The following RBL2 variants were observed in gnomAD, a reference collection of about 807,000 sequenced individuals.
RBL2 encodes retinoblastoma-like protein 2.
Under a neutral mutation model 126.0 loss-of-function variants are expected in RBL2, and 56 were observed. The ratio of observed to expected loss-of-function variants is 0.44; its 90% CI spans 0.36 to 0.56. RBL2 has a LOEUF of 0.56. Ranked by LOEUF, RBL2 falls within the 20% of genes least tolerant of loss-of-function variation. The pLI, the probability that RBL2 is intolerant of heterozygous loss-of-function variation, is 0.00. For synonymous variants in RBL2, 454 were observed against 478.5 expected (o/e 0.95, Z 0.67); for missense variants, 1,229 against 1,398.2 (o/e 0.88, Z 1.93).
rs750451075 is a variant in RBL2 at position 53,434,789 on chromosome 16, C to G, written c.233C>G (p.Thr78Arg). The G allele has an allele frequency of 6.7e-7, 1 of 1,500,052 alleles. No individual in the cohort carries two copies. The highest frequency in any genetic ancestry group is 8.9e-7 in the Non-Finnish European group (1 of 1,124,132). 92.9% of individuals were successfully genotyped at this position (1,500,052 alleles called of 1,614,324 possible). A position where few individuals can be genotyped will look rare whatever the true frequency, so the allele number is the denominator to read the frequency against. ...TACCGCAGCATGAGCGAAAGCTACA[C>G]GCTGGAGGTGCGCTCGCGGGCGGAG... Reference protein sequence around the residue: ...DSYRSMSESYTLEGNDLHWLA... With the variant: ...DSYRSMSESYRLEGNDLHWLA... The change falls in exon 1 of 22, where the codon ACG becomes AGG. Residue 78 changes from threonine to arginine, a missense_variant. By Grantham distance (71) the Thr-to-Arg change is moderately conservative. Transcript: ENST00000262133.
intron 17 of RBL2, among the ~76,000 whole-genome samples, chr16:53,471,547 C>A (rs1007121974): frequency 2.6e-5 from 4 of 151,990 alleles, no homozygotes; most frequent in Admixed American, 1.3e-4. Flanking sequence ...CAGCTCACTG[C>A]AACCTCTGCC....
chr16:53,468,985 T>C (rs1036889288), intron 14 of RBL2, among the ~76,000 whole-genome samples: 3 of 152,210 alleles, frequency 2.0e-5, no homozygotes, highest in African/African-American at 7.2e-5. Flanking sequence ...ATACCAGCAT[T>C]TTGGGAGGCC....
Position 53,479,736 on chromosome 16 carries a change from T to C in RBL2, c.2776-150T>C, listed in dbSNP as rs894105996. On this transcript the variant is annotated intron_variant, in intron 18 of 21. Coordinates refer to ENST00000262133, the MANE Select transcript of RBL2 (RefSeq NM_005611.4). ...CTCTGATTGAATCCTGGATCTGTTA[T>C]AATTTGAGTTATGTTTCTCAACCTG... 1.7e-5 allele frequency: 10 copies of C among 584,096 alleles called. No homozygotes were observed. The Admixed American group carries it at 1.8e-4, about 10-fold the overall frequency. 36.2% of individuals were successfully genotyped at this position (584,096 alleles called of 1,614,324 possible).
intron 21 of RBL2, chr16:53,489,027 C>A (rs1171717719): frequency 2.1e-5 from 3 of 143,682 alleles, no homozygotes; most frequent in Non-Finnish European, 4.5e-5. Flanking sequence ...CCAGCTTGGA[C>A]AACATAGTGC....
intron 1 of RBL2, among the ~76,000 whole-genome samples, chr16:53,435,150 A>G (rs2057945507): frequency 6.6e-6 from 1 of 152,070 alleles, no homozygotes; most frequent in Non-Finnish European, 1.5e-5. Context: ...CCACACGGAC[A>G]AGGGGAGGGG....
chr16:53,439,124 A>G lies in RBL2; in HGVS notation c.349A>G (p.Ile117Val). The G allele has an allele frequency of 1.9e-6, 3 of 1,604,458 alleles. No homozygotes were observed. Among genetic ancestry groups the G allele is most frequent in the East Asian group, 4.5e-5 (2 of 44,270 alleles). The change falls in exon 2 of 22, where the codon ATC becomes GTC. Residue 117 changes from isoleucine (I) to valine (V), a missense_variant. Physicochemically the swap from Ile to Val is conservative, Grantham distance 29. Transcript: ENST00000262133. ...AGGAAACTATGTATCTTTAACTAGA[A>G]TCCTGAAATGTTCAGAGCAGAGGTA... ...VEGNYVSLTR[I>V]LKCSEQSLIE...
chr16:53,482,555 A>G (rs1960995314), intron 21 of RBL2, among the ~76,000 whole-genome samples: 1 of 152,176 alleles, frequency 6.6e-6, no homozygotes, highest in African/African-American at 2.4e-5. Context: ...CACACCTGTA[A>G]TCCCAACACT....
At chr16:53,463,561 CTTT>C (rs770657237) in intron 11 of RBL2, among the ~76,000 whole-genome samples, 2 of 94,402 alleles carry the variant, frequency 2.1e-5, no homozygotes, top group Non-Finnish European at 2.0e-5. Context: ...TTTTTTTTTC[CTTT>C]TTTTTTTTTT....
intron 13 of RBL2, 127 bp from the exon 14 acceptor site, chr16:53,466,931 G>C: frequency 1.4e-6 from 1 of 721,774 alleles, no homozygotes; most frequent in Non-Finnish European, 2.3e-6. Context: ...ATTAAAATGG[G>C]AAAGACAGCT....
chr16:53,442,107 A>T (rs1042880764), intron 2 of RBL2, among the ~76,000 whole-genome samples: 1 of 152,060 alleles, frequency 6.6e-6, no homozygotes, highest in African/African-American at 2.4e-5. Flanking sequence ...GGTGTGAGCT[A>T]CTGCGCCTAG....
intron 21 of RBL2, among the ~76,000 whole-genome samples, chr16:53,484,278 G>A (rs983889097): frequency 2.0e-5 from 3 of 152,112 alleles, no homozygotes; most frequent in African/African-American, 7.2e-5. Context: ...GCAGGTAATA[G>A]ACAAAGCAGA....
Position 53,439,139 on chromosome 16 carries a change from G to A in RBL2, c.364G>A (p.Glu122Lys), listed in dbSNP as rs1305574980. 6.3e-7 allele frequency: 1 copy of A among 1,593,200 alleles called. No individual in the cohort carries two copies. Among genetic ancestry groups the A allele is most frequent in the South Asian group, 1.2e-5 (1 of 86,916 alleles). ...VSLTRILKCS[E>K]QSLIEFFNKM... ...TTTAACTAGAATCCTGAAATGTTCA[G>A]AGCAGAGGTAACTATGTTAGAGTTT... Residue 122 changes from glutamate to lysine, a missense_variant, in exon 2 of 22, where the codon GAG becomes AAG. Around this residue, in one of 2 missense-constraint regions of RBL2, gnomAD observed 1,070 missense variants for 1,274.3 expected, o/e 0.84. Coordinates refer to ENST00000262133, the MANE Select transcript of RBL2 (RefSeq NM_005611.4).
At chr16:53,479,806 T>C (rs1030140394) in intron 18 of RBL2, 80 bp from the exon 19 acceptor site, 2 of 893,802 alleles carry the variant, frequency 2.2e-6, no homozygotes, top group Non-Finnish European at 1.7e-6. Context: ...GAAAACCAAG[T>C]AACATATGTG....
Position 53,459,456 on chromosome 16 carries a change from A to G in RBL2, c.1185A>G (p.Lys395=). The G allele has an allele frequency of 6.2e-7, 1 of 1,611,816 alleles. No homozygotes were observed. Among genetic ancestry groups the G allele is most frequent in the Non-Finnish European group, 8.5e-7 (1 of 1,179,040 alleles). ...NILQQHFDKS[K]ALRISTPLTG... is the part of the protein sequence containing the mutation. ...GTAATTTTTTTTTTCTTTAGTCCAAAGCACTTAGAATCTCCACACCACTAA... is the reference window on the plus strand; with the variant it reads ...GTAATTTTTTTTTTCTTTAGTCCAAGGCACTTAGAATCTCCACACCACTAA... Residue 395 remains lysine, a synonymous_variant, in exon 9 of 22, where the codon AAA becomes AAG. Coordinates refer to ENST00000262133, the MANE Select transcript of RBL2 (RefSeq NM_005611.4).
chr16:53,482,312 A>AG (rs1960986091), intron 21 of RBL2, among the ~76,000 whole-genome samples: 1 of 152,244 alleles, frequency 6.6e-6, no homozygotes, highest in African/African-American at 2.4e-5. Context: ...AAGAAGGGGA[A>AG]GGAAGCTTGA....
chr16:53,444,709 ATGG>A (rs1433847498), intron 3 of RBL2, among the ~76,000 whole-genome samples: 3 of 149,734 alleles, frequency 2.0e-5, no homozygotes, highest in Admixed American at 6.6e-5. Flanking sequence ...TTAGGCAGGT[ATGG>A]TGGTGTGTGC....
intron 21 of RBL2, chr16:53,489,802 G>C (rs1056752272): frequency 3.7e-5 from 7 of 189,116 alleles, no homozygotes; most frequent in African/African-American, 1.6e-4. Context: ...GTGACTATCA[G>C]ATAGCAATGT....
At chr16:53,442,940 G>A (rs899711108) in intron 3 of RBL2, 82 bp downstream of exon 3, 1 of 1,056,446 alleles carries the variant, frequency 9.5e-7, no homozygotes, top group African/African-American at 1.7e-5. Context: ...TTTTTTTCTG[G>A]TTTTAAAAAA....
rs2058251529 is a variant in RBL2 at position 53,464,340 on chromosome 16, G to A, written c.1675G>A (p.Val559Met). The change falls in exon 12 of 22, where the codon GTG becomes ATG. Residue 559 changes from valine (V) to methionine (M), a missense_variant. By Grantham distance (21) the Val-to-Met change is conservative (BLOSUM62 1). Around this residue, in one of 2 missense-constraint regions of RBL2, gnomAD observed 1,070 missense variants for 1,274.3 expected, o/e 0.84. Transcript: ENST00000262133. ...TCCATTTATTACTGAAATATTTGATGTGCCTCTTTATCATTTTTATAAGGT... is the reference window on the plus strand; with the variant it reads ...TCCATTTATTACTGAAATATTTGATATGCCTCTTTATCATTTTTATAAGGT... ...NFPFITEIFD[V>M]PLYHFYKVIE... is the part of the protein sequence containing the mutation. 4.4e-6 allele frequency: 7 copies of A among 1,578,846 alleles called. No individual in the cohort carries two copies. Among genetic ancestry groups the A allele is most frequent in the Non-Finnish European group, 6.1e-6 (7 of 1,151,040 alleles).
Sources: gnomAD v4.1 joint callset for allele counts (sites outside exome capture counted in the v4.1 genomes callset) on GRCh38, gnomAD v4.1.1 for gene constraint, gnomAD v4.1.1 regional missense constraint, MANE v1.5 for transcripts, NCBI Gene and HGNC (gene_info 2026-07-23, HGNC 2026-07-21) for gene names.